The following RERE variants were observed in gnomAD, a reference collection of about 807,000 sequenced individuals.
RERE encodes arginine-glutamic acid dipeptide repeats protein.
In RERE, 40 loss-of-function variants were observed where a neutral mutation model predicts 146.1. The observed-to-expected ratio is 0.27, with a 90% confidence interval of 0.21 to 0.36. The LOEUF (loss-of-function observed/expected upper bound fraction) is 0.36. Ranked by LOEUF, RERE falls within the 10% of genes least tolerant of loss-of-function variation. The pLI, the probability that RERE is intolerant of heterozygous loss-of-function variation, is 1.00. For missense variants in RERE, 1,933 were observed against 2,138.7 expected, an observed-to-expected ratio of 0.90 and a Z score of 1.90; for synonymous variants, 1,003 against 866.0, an observed-to-expected ratio of 1.16 and a Z score of -2.78.
chr1:8,800,377 A>T (rs1241383861), intron 1 of RERE, among the ~76,000 whole-genome samples: 1 of 152,206 alleles, frequency 6.6e-6, no homozygotes, highest in Non-Finnish European at 1.5e-5. Context: ...AATGTGTTTT[A>T]AAAATAAATG....
intron 1 of RERE, among the ~76,000 whole-genome samples, chr1:8,725,816 G>A (rs1184295349): frequency 3.3e-5 from 5 of 152,046 alleles, no homozygotes; most frequent in African/African-American, 4.8e-5. Context: ...AAAATTAGAA[G>A]AAAAAGTGAT....
intron 2 of RERE, among the ~76,000 whole-genome samples, chr1:8,652,206 A>T (rs1482882411): frequency 6.6e-6 from 1 of 152,096 alleles, no homozygotes; most frequent in Non-Finnish European, 1.5e-5. Flanking sequence ...ACTCAAGCAA[A>T]AGGGTGCCTC....
In RERE at chr1:8,816,995, C is replaced by T. The variant is rs1246686554; in HGVS notation, c.-145+165G>A. Among the ~76,000 whole-genome samples the T allele has an allele frequency of 3.3e-5, 5 of 152,196 alleles. No individual in the cohort carries two copies. In the South Asian group the frequency reaches 1.0e-3, roughly 32 times the overall value. On this transcript the variant is annotated intron_variant, in intron 1 of 22. Coordinates refer to ENST00000400908, the MANE Select transcript of RERE (RefSeq NM_001042681.2). ...TGGCCCGGACAGGACCAAAGAAGTG[C>T]CCTGCCCTCGCCCGACTCCCCTCGA...
rs111300572 is a variant in RERE at position 8,446,367 on chromosome 1, G to A, written c.1203+19558C>T. Among the ~76,000 whole-genome samples, 1,046 of 151,766 alleles carry A rather than the reference G, an allele frequency of 6.9e-3. 3 individuals are homozygous for A. Among genetic ancestry groups the A allele is most frequent in the African/African-American group, 0.024 (990 of 41,326 alleles). On this transcript the variant is annotated intron_variant, in intron 11 of 22. Coordinates refer to ENST00000400908, the MANE Select transcript of RERE (RefSeq NM_001042681.2). ...GGGTTACTCTTCTCATCTGATATGG[G>A]CTTCCCTTTGTGGGTAACCTGACCT...
At chr1:8,513,273 T>A (rs1248352513) in intron 7 of RERE, among the ~76,000 whole-genome samples, 1 of 152,248 alleles carries the variant, frequency 6.6e-6, no homozygotes, top group Non-Finnish European at 1.5e-5. Context: ...TACATATTCT[T>A]ATAAAAAGTA....
intron 7 of RERE, among the ~76,000 whole-genome samples, chr1:8,524,645 G>A (rs1286638354): frequency 6.6e-5 from 10 of 152,148 alleles, no homozygotes; most frequent in Admixed American, 6.5e-4. Context: ...GAAGAAAAAG[G>A]AGTGGAAACA....
chr1:8,784,424 A>G (rs1641224505), intron 1 of RERE, among the ~76,000 whole-genome samples: 2 of 152,202 alleles, frequency 1.3e-5, no homozygotes, highest in Non-Finnish European at 2.9e-5. Context: ...TCCATAGAAT[A>G]TAAGCTCCAC....
chr1:8,358,392 C>G lies in RERE; in HGVS notation c.4143G>C (p.Leu1381=). Reference sequence around the variant, plus strand: ...TCTCGGGCCGCAGCTGGGGGCCCGCCAGGGCCAGTCTCTCCCTCTCCAAGG... The same window carrying G: ...TCTCGGGCCGCAGCTGGGGGCCCGCGAGGGCCAGTCTCTCCCTCTCCAAGG... ...LNPLERERLA[L]AGPQLRPEMS... Residue 1381 remains leucine (L), a synonymous_variant, in exon 20 of 23, where the codon CTG becomes CTC. Coordinates refer to ENST00000400908, the MANE Select transcript of RERE (RefSeq NM_001042681.2). The G allele has an allele frequency of 6.2e-7, 1 of 1,607,472 alleles. No homozygotes were observed. The highest frequency in any genetic ancestry group is 1.3e-5 in the African/African-American group (1 of 74,962).
rs80247323 is a variant in RERE, at chr1:8,737,919, G to A, written c.-145+79241C>T. 8.5e-5 allele frequency among the ~76,000 whole-genome samples: 13 copies of A among 152,324 alleles called. No individual in the cohort carries two copies. In the East Asian group the frequency reaches 2.5e-3, roughly 29 times the overall value. ...CATTTTAGATTGTTAACTAGCAAAT[G>A]TCCTGCAGAAATTTTAAAACTCACT... On this transcript the variant is annotated intron_variant, in intron 1 of 22. Coordinates refer to ENST00000400908, the MANE Select transcript of RERE (RefSeq NM_001042681.2).
chr1:8,777,911 AC>A (rs1159493287), intron 1 of RERE, among the ~76,000 whole-genome samples: 1 of 151,982 alleles, frequency 6.6e-6, no homozygotes, highest in Non-Finnish European at 1.5e-5. Flanking sequence ...AAAAACTTCA[AC>A]TACCCAGACC....
chr1:8,364,007 C>A lies in RERE; in HGVS notation c.1740+49G>T. 6.4e-7 allele frequency: 1 copy of A among 1,564,422 alleles called. No homozygotes were observed. Among genetic ancestry groups the A allele is most frequent in the South Asian group, 1.1e-5 (1 of 89,968 alleles). ...GGGAGGCTCAAGCCCCCACACATCCCAGGAAACTGAAGAAGTTGCCAGGAG... is the reference window on the plus strand; with the variant it reads ...GGGAGGCTCAAGCCCCCACACATCCAAGGAAACTGAAGAAGTTGCCAGGAG... On this transcript the variant is annotated intron_variant, in intron 15 of 22. Transcript: ENST00000400908. This position sits in a 1 kb window ranked among gnomAD's most constrained non-coding sequence, Gnocchi z 5.1.
chr1:8,403,774 T>C (rs975217315), intron 12 of RERE, among the ~76,000 whole-genome samples: 3 of 151,766 alleles, frequency 2.0e-5, no homozygotes, highest in Non-Finnish European at 2.9e-5. Context: ...TTGTTAAAAA[T>C]TGCTTTCTTT....
chr1:8,510,585 A>G (rs2124306665), intron 7 of RERE, among the ~76,000 whole-genome samples: 1 of 152,372 alleles, frequency 6.6e-6, no homozygotes, highest in East Asian at 1.9e-4. Context: ...TTTAATCACA[A>G]GCGCTTCTTT....
At chr1:8,622,636 T>C (rs1015589302) in intron 3 of RERE, among the ~76,000 whole-genome samples, 30 of 152,160 alleles carry the variant, frequency 2.0e-4, no homozygotes, top group Admixed American at 5.2e-4. Flanking sequence ...CAAGGCCACC[T>C]TGCAATGCAA....
rs1388364007 is a variant in RERE at position 8,401,019 on chromosome 1, A to T, written c.1284+21708T>A. ...GGTGACACAGTGAGACTCTGTCTCA[A>T]AAAAAAAAAAAAAAAAACCATATAT... is the stretch of plus-strand genomic sequence containing the variant. On this transcript the variant is annotated intron_variant, in intron 12 of 22. Transcript: ENST00000400908. Among the ~76,000 whole-genome samples, 2 of 8,054 alleles carry T rather than the reference A, an allele frequency of 2.5e-4. 1 individual carries two copies. The highest frequency in any genetic ancestry group is 3.7e-4 in the Non-Finnish European group (2 of 5,360). 5.3% of individuals were successfully genotyped at this position (8,054 alleles called of 152,430 possible). A position where few individuals can be genotyped will look rare whatever the true frequency, so the allele number is the denominator to read the frequency against.
intron 4 of RERE, among the ~76,000 whole-genome samples, chr1:8,614,177 T>C (rs537835905): frequency 2.0e-5 from 3 of 152,278 alleles, no homozygotes; most frequent in South Asian, 4.2e-4. Flanking sequence ...ATAGTTTAGA[T>C]TGGTGGGCCA....
intron 1 of RERE, among the ~76,000 whole-genome samples, chr1:8,763,978 T>A (rs1569742325): frequency 6.7e-6 from 1 of 149,652 alleles, no homozygotes; most frequent in Non-Finnish European, 1.5e-5. Context: ...ATTCAGGAAG[T>A]GAAGGTGCTA....
chr1:8,467,805 C>G (rs184848334), intron 10 of RERE, among the ~76,000 whole-genome samples: 1 of 152,040 alleles, frequency 6.6e-6, no homozygotes, highest in Non-Finnish European at 1.5e-5. Flanking sequence ...CCACCACGCC[C>G]GGCTTATTTT....
intron 1 of RERE, among the ~76,000 whole-genome samples, chr1:8,813,461 GATA>G (rs1347927512): frequency 6.6e-6 from 1 of 152,028 alleles, no homozygotes; most frequent in Non-Finnish European, 1.5e-5. Flanking sequence ...CTAAATCCAT[GATA>G]ATATTCAGCA....
Sources: allele counts gnomAD v4.1 joint callset (sites outside exome capture counted in the v4.1 genomes callset), GRCh38; gene constraint gnomAD v4.1.1; non-coding constraint Gnocchi (gnomAD v3.1); transcripts MANE v1.5; gene names NCBI Gene and HGNC (gene_info 2026-07-23, HGNC 2026-07-21).